Variants in LHFPL6 observed in about 807,000 individuals in gnomAD.
LHFPL6 encodes LHFPL tetraspan subfamily member 6, also known as LHFPL tetraspan subfamily member 6 protein.
Under a neutral mutation model 20.6 loss-of-function variants are expected in LHFPL6, and 9 were observed. That is an observed-to-expected ratio of 0.44 (90% CI 0.26 to 0.76). LHFPL6 has a LOEUF of 0.76. LHFPL6 is among the 30% of genes least tolerant of loss of function. The probability of loss-of-function intolerance (pLI) is 0.20; values close to 1 mark genes in which losing one functional copy is unlikely to be tolerated. For missense variants in LHFPL6, 218 were observed against 253.5 expected (o/e 0.86, Z 0.95); for synonymous variants, 105 against 98.7 (o/e 1.06, Z -0.38).
At chr13:39,352,891 ATG>A (rs1259359312) in intron 3 of LHFPL6, among the ~76,000 whole-genome samples, 1 of 58,694 alleles carries the variant, frequency 1.7e-5, no homozygotes, top group Non-Finnish European at 3.5e-5. Flanking sequence ...ATGTATATAT[ATG>A]TGTATATATA....
At chr13:39,596,038 G>A (rs918403044) in intron 2 of LHFPL6, among the ~76,000 whole-genome samples, 10 of 152,052 alleles carry the variant, frequency 6.6e-5, no homozygotes, top group African/African-American at 2.4e-4. Context: ...TTGTATTAAG[G>A]TCTTATTTTG....
intron 2 of LHFPL6, among the ~76,000 whole-genome samples, chr13:39,381,039 T>A (rs931605292): frequency 6.6e-6 from 1 of 152,130 alleles, no homozygotes; most frequent in Non-Finnish European, 1.5e-5. Context: ...AAGTCCACAC[T>A]AAATGTAATG....
intron 2 of LHFPL6, among the ~76,000 whole-genome samples, chr13:39,459,678 A>G (rs1035150554): frequency 1.3e-5 from 2 of 152,118 alleles, no homozygotes; most frequent in Non-Finnish European, 2.9e-5. Flanking sequence ...CCCATTCCCT[A>G]ATGTCATGTC....
intron 2 of LHFPL6, among the ~76,000 whole-genome samples, chr13:39,516,669 T>C (rs1927207): frequency 0.085 from 12,942 of 152,290 alleles, 625 homozygotes; most frequent in East Asian, 0.25. Context: ...AGCTAAGATA[T>C]TAACATGCTC....
intron 2 of LHFPL6, among the ~76,000 whole-genome samples, chr13:39,438,361 A>T (rs189228079): frequency 6.6e-6 from 1 of 152,346 alleles, no homozygotes; most frequent in East Asian, 1.9e-4. Context: ...CTATGGTCAT[A>T]TGAGTAAATA....
In LHFPL6 at chr13:39,467,314, T is replaced by A. The variant is rs143804561; in HGVS notation, c.386-88788A>T. On this transcript the variant is annotated intron_variant, in intron 2 of 3. Coordinates refer to ENST00000379589, the MANE Select transcript of LHFPL6 (RefSeq NM_005780.3). ...AAGCATTTCATACACATTTGCTGAA[T>A]GAGTGAATGAATGAATCAATCTCCT... Among the ~76,000 whole-genome samples the A allele has an allele frequency of 1.9e-3, 292 of 152,326 alleles. 1 individual carries two copies. Among genetic ancestry groups the A allele is most frequent in the African/African-American group, 6.4e-3 (266 of 41,570 alleles).
chr13:39,497,729 T>TG (rs908617380), intron 2 of LHFPL6, among the ~76,000 whole-genome samples: 2 of 152,136 alleles, frequency 1.3e-5, no homozygotes, highest in African/African-American at 2.4e-5. Flanking sequence ...ATTCCAAAGA[T>TG]GGGGGGGAGG....
intron 2 of LHFPL6, among the ~76,000 whole-genome samples, chr13:39,447,358 A>G (rs1872319588): frequency 6.6e-6 from 1 of 152,050 alleles, no homozygotes; most frequent in Non-Finnish European, 1.5e-5. Flanking sequence ...ATACTTCACG[A>G]TATTTTTTTT....
intron 3 of LHFPL6, among the ~76,000 whole-genome samples, chr13:39,355,272 G>T (rs562701603): frequency 3.3e-5 from 5 of 151,936 alleles, no homozygotes; most frequent in Admixed American, 6.6e-5. Context: ...TTCCAACCAA[G>T]AATTTCATTC....
intron 2 of LHFPL6, among the ~76,000 whole-genome samples, chr13:39,427,266 C>T (rs1192464691): frequency 6.6e-6 from 1 of 152,168 alleles, no homozygotes; most frequent in Non-Finnish European, 1.5e-5. Context: ...CTGGGTTTGT[C>T]TTCTTTCTTT....
At chr13:39,399,437 A>G (rs908027639) in intron 2 of LHFPL6, among the ~76,000 whole-genome samples, 1 of 152,238 alleles carries the variant, frequency 6.6e-6, no homozygotes, top group Non-Finnish European at 1.5e-5. Context: ...AGAGGAGGAA[A>G]ATGATAAGTA....
chr13:39,495,779 A>ATTTTTTTTTTTTTTTTTTTTTTTTTTT (rs10558170), intron 2 of LHFPL6, among the ~76,000 whole-genome samples: 3 of 89,544 alleles, frequency 3.4e-5, no homozygotes, highest in African/African-American at 4.2e-5. Context: ...TAACTCAATA[A>ATTTTTTTTTTTTTTTTTTTTTTTTTTT]TTTTTTTTTT....
intron 2 of LHFPL6, among the ~76,000 whole-genome samples, chr13:39,413,561 G>C (rs987400575): frequency 4.0e-5 from 6 of 148,260 alleles, no homozygotes; most frequent in African/African-American, 1.5e-4. Flanking sequence ...TGGGACTACA[G>C]GCGTGTGTCA....
At chr13:39,401,345 A>C (rs938033561) in intron 2 of LHFPL6, among the ~76,000 whole-genome samples, 27 of 152,206 alleles carry the variant, frequency 1.8e-4, no homozygotes, top group African/African-American at 6.5e-4. Context: ...TTTAAAACTG[A>C]GAGTTCACTG....
At chr13:39,422,543 G>A (rs1871519855) in intron 2 of LHFPL6, among the ~76,000 whole-genome samples, 1 of 143,046 alleles carries the variant, frequency 7.0e-6, no homozygotes. Context: ...CTGAGATGGT[G>A]CCATTGCATT....
intron 2 of LHFPL6, among the ~76,000 whole-genome samples, chr13:39,465,698 T>C (rs1872787048): frequency 6.6e-6 from 1 of 151,988 alleles, no homozygotes. Context: ...GAAAAAGAAG[T>C]CTCAAGTCCA....
chr13:39,490,571 A>G (rs1868890818), intron 2 of LHFPL6, among the ~76,000 whole-genome samples: 2 of 152,236 alleles, frequency 1.3e-5, no homozygotes, highest in South Asian at 4.1e-4. Flanking sequence ...ACAGGGCTAC[A>G]GTAAGTCAGT....
intron 2 of LHFPL6, among the ~76,000 whole-genome samples, chr13:39,392,338 C>T (rs186409763): frequency 1.3e-3 from 202 of 152,242 alleles, no homozygotes; most frequent in African/African-American, 4.7e-3. Context: ...CTCATGCCTG[C>T]AATCCCAGCA....
intron 2 of LHFPL6, among the ~76,000 whole-genome samples, chr13:39,537,499 C>T (rs1052277303): frequency 2.0e-5 from 3 of 152,154 alleles, no homozygotes; most frequent in Non-Finnish European, 4.4e-5. Context: ...TAGGAAATTT[C>T]AGGGCTTTAA....
Sources: gnomAD v4.1 joint callset for allele counts (sites outside exome capture counted in the v4.1 genomes callset) on GRCh38, gnomAD v4.1.1 for gene constraint, MANE v1.5 for transcripts, NCBI Gene and HGNC (gene_info 2026-07-23, HGNC 2026-07-21) for gene names.